MARCHF6: variants seen among roughly 807,000 people sequenced by gnomAD.
MARCHF6 encodes the protein membrane associated ring-CH-type finger 6, also known as E3 ubiquitin-protein ligase MARCHF6.
A neutral mutation model predicts 133.7 loss-of-function variants in MARCHF6; 31 were observed. That is an observed-to-expected ratio of 0.23 (90% CI 0.17 to 0.31). The LOEUF is 0.31. Ranked by LOEUF, MARCHF6 falls within the 10% of genes least tolerant of loss-of-function variation. The pLI is 1.00. For synonymous variants in MARCHF6, 395 were observed against 402.5 expected (o/e 0.98, Z 0.22); for missense variants, 723 against 1,121.6 (o/e 0.64, Z 5.08).
chr5:10,415,551 C>G lies in MARCHF6; in HGVS notation c.2030C>G (p.Thr677Arg). ...TGTAKIHELYTAACGLYVCWL... is the reference protein window; with the variant it reads ...TGTAKIHELYRAACGLYVCWL... ...ACTGCCAAAATCCATGAGCTCTACA[C>G]AGCTGCTTGTGGTCTCTATGTTTGC... Residue 677 changes from threonine to arginine, a missense_variant, in exon 21 of 26, where the codon ACA becomes AGA. By Grantham distance (71) the Thr-to-Arg change is moderately conservative. Transcript: ENST00000274140. The G allele has an allele frequency of 6.2e-7, 1 of 1,614,178 alleles. No homozygotes were observed. Among genetic ancestry groups the G allele is most frequent in the South Asian group, 1.1e-5 (1 of 91,076 alleles).
intron 1 of MARCHF6, among the ~76,000 whole-genome samples, chr5:10,372,828 A>G (rs1274812206): frequency 6.6e-6 from 1 of 152,144 alleles, no homozygotes; most frequent in Admixed American, 6.6e-5. Flanking sequence ...TTTCATCTCT[A>G]GCTGCATTCA....
intron 24 of MARCHF6, 112 bp from the exon 25 acceptor site, chr5:10,429,781 G>T: frequency 1.2e-6 from 1 of 815,210 alleles, no homozygotes; most frequent in Non-Finnish European, 2.0e-6. Flanking sequence ...ACAGACCTGG[G>T]GCTTAGAAAG....
Position 10,353,852 on chromosome 5 carries a change from G to A in MARCHF6, c.-47G>A, listed in dbSNP as rs1331428383. 37 of 1,543,596 alleles carry A rather than the reference G, an allele frequency of 2.4e-5. No individual in the cohort carries two copies. Among genetic ancestry groups the A allele is most frequent in the Non-Finnish European group, 3.0e-5 (34 of 1,147,046 alleles). Reference sequence around the variant, plus strand: ...CTCTCCCCTCCCTCTTTCCCCGCCCGGCCGCGGGAGCCTCGTGGCTGCGTC... The same window carrying A: ...CTCTCCCCTCCCTCTTTCCCCGCCCAGCCGCGGGAGCCTCGTGGCTGCGTC... On this transcript the variant is annotated 5_prime_UTR_variant, in exon 1 of 26. Coordinates refer to ENST00000274140, the MANE Select transcript of MARCHF6 (RefSeq NM_005885.4).
chr5:10,377,171 C>T (rs1331718958), intron 1 of MARCHF6, among the ~76,000 whole-genome samples: 1 of 152,082 alleles, frequency 6.6e-6, no homozygotes, highest in Admixed American at 6.5e-5. Context: ...GGTCCAAGGA[C>T]CCCTTAGCGC....
At chr5:10,387,861 C>T (rs1699237010) in intron 5 of MARCHF6, among the ~76,000 whole-genome samples, 1 of 152,038 alleles carries the variant, frequency 6.6e-6, no homozygotes, top group Non-Finnish European at 1.5e-5. Flanking sequence ...GGGGTTTCAC[C>T]ATGTTAGCCA....
chr5:10,398,305 G>GT (rs1271099666), intron 10 of MARCHF6, among the ~76,000 whole-genome samples: 1 of 152,190 alleles, frequency 6.6e-6, no homozygotes, highest in African/African-American at 2.4e-5. Flanking sequence ...GCCATGTGGT[G>GT]TAAGGGGCTT....
intron 25 of MARCHF6, 84 bp from the exon 26 acceptor site, chr5:10,433,510 T>C (rs1740468196): frequency 3.8e-6 from 4 of 1,039,218 alleles, no homozygotes; most frequent in Non-Finnish European, 6.0e-6. Flanking sequence ...GAGTTTTAAG[T>C]AGGAGTTAGA....
intron 25 of MARCHF6, among the ~76,000 whole-genome samples, chr5:10,432,049 AT>A (rs1740398541): frequency 6.6e-6 from 1 of 152,228 alleles, no homozygotes; most frequent in Non-Finnish European, 1.5e-5. Flanking sequence ...GACATTATGG[AT>A]AAAGATGCAG....
intron 1 of MARCHF6, among the ~76,000 whole-genome samples, chr5:10,371,693 T>C (rs1048711041): frequency 1.1e-4 from 17 of 152,172 alleles, no homozygotes; most frequent in African/African-American, 4.1e-4. Context: ...ACCATATCAG[T>C]AGGTAATGAA....
intron 22 of MARCHF6, among the ~76,000 whole-genome samples, chr5:10,417,807 ATTTTT>A (rs557583440): frequency 6.7e-6 from 1 of 149,626 alleles, no homozygotes; most frequent in African/African-American, 2.4e-5. Flanking sequence ...AGAAAGACTA[ATTTTT>A]TTTTTAATTC....
chr5:10,431,622 AGTGAGT>A lies in MARCHF6; in HGVS notation c.2642+1598_2642+1603del, dbSNP rs572256598. 1.5e-3 allele frequency among the ~76,000 whole-genome samples: 164 copies of A among 108,910 alleles called. 1 individual carries two copies. The highest frequency in any genetic ancestry group is 4.5e-3 in the African/African-American group (155 of 34,406). The allele number at this position is 108,910 out of a possible 152,430, so 71.4% of individuals were successfully genotyped here. ...TGGTCTGTGGGAGGTGCTAAGAGTG[AGTGAGT>A]GTGTGTGTGTGTGTGTGTGTGTGAG... On this transcript the variant is annotated intron_variant, in intron 25 of 25. Coordinates refer to ENST00000274140, the MANE Select transcript of MARCHF6 (RefSeq NM_005885.4).
intron 4 of MARCHF6, among the ~76,000 whole-genome samples, chr5:10,386,027 A>T (rs907914534): frequency 4.9e-5 from 7 of 143,128 alleles, no homozygotes; most frequent in African/African-American, 1.8e-4. Context: ...GTGCTGTCTT[A>T]TTTTTTTTTT....
At chr5:10,394,518 T>A (rs1343847664) in intron 8 of MARCHF6, among the ~76,000 whole-genome samples, 1 of 152,178 alleles carries the variant, frequency 6.6e-6, no homozygotes, top group African/African-American at 2.4e-5. Context: ...GACGGAATTG[T>A]TTTAGACTTT....
intron 3 of MARCHF6, among the ~76,000 whole-genome samples, chr5:10,381,351 G>A (rs898390508): frequency 2.0e-5 from 3 of 152,170 alleles, no homozygotes; most frequent in Admixed American, 6.6e-5. Flanking sequence ...GATCTGCTGC[G>A]GACTGTTGTG....
intron 1 of MARCHF6, among the ~76,000 whole-genome samples, chr5:10,360,305 A>C (rs1156939698): frequency 6.6e-6 from 1 of 151,522 alleles, no homozygotes; most frequent in Non-Finnish European, 1.5e-5. Flanking sequence ...ATGCACCACC[A>C]TGCCTGGCTA....
chr5:10,384,658 G>A (rs1168664520), intron 4 of MARCHF6, among the ~76,000 whole-genome samples: 1 of 152,182 alleles, frequency 6.6e-6, no homozygotes, highest in African/African-American at 2.4e-5. Flanking sequence ...TTAGAGAAAT[G>A]CACAAGGAGG....
At chr5:10,360,552 A>G (rs1301843660) in intron 1 of MARCHF6, among the ~76,000 whole-genome samples, 1 of 152,212 alleles carries the variant, frequency 6.6e-6, no homozygotes, top group African/African-American at 2.4e-5. Flanking sequence ...TGTTTTACAT[A>G]AGGGACTTGA....
At chr5:10,387,894 T>G (rs1175219188) in intron 5 of MARCHF6, among the ~76,000 whole-genome samples, 1 of 152,086 alleles carries the variant, frequency 6.6e-6, no homozygotes, top group Admixed American at 6.6e-5. Flanking sequence ...ACTCCTAACC[T>G]CAAGTAATCT....
chr5:10,367,861 A>G (rs1452228021), intron 1 of MARCHF6, among the ~76,000 whole-genome samples: 2 of 152,242 alleles, frequency 1.3e-5, no homozygotes, highest in African/African-American at 4.8e-5. Context: ...GTATTCAAAT[A>G]CAGCAACAAA....
Sources: gnomAD v4.1 joint callset for allele counts (sites outside exome capture counted in the v4.1 genomes callset) on GRCh38, gnomAD v4.1.1 for gene constraint, MANE v1.5 for transcripts, NCBI Gene and HGNC (gene_info 2026-07-23, HGNC 2026-07-21) for gene names.